Variants in MOSMO observed in about 807,000 individuals in gnomAD.
MOSMO encodes modulator of smoothened protein.
MOSMO carries 5 observed loss-of-function variants against 18.4 expected under a neutral mutation model. The observed-to-expected ratio is 0.27, with a 90% CI of 0.14 to 0.57. The LOEUF is 0.57. Ranked by LOEUF, MOSMO falls within the 20% of genes least tolerant of loss-of-function variation. MOSMO has a pLI of 0.92. For missense variants in MOSMO, 138 were observed against 211.8 expected, an observed-to-expected ratio of 0.65 and a Z score of 2.16; for synonymous variants, 82 against 82.3, an observed-to-expected ratio of 1.00 and a Z score of 0.02.
At chr16:22,074,112 G>A (rs1339095751) in intron 1 of MOSMO, among the ~76,000 whole-genome samples, 2 of 152,092 alleles carry the variant, frequency 1.3e-5, no homozygotes, top group African/African-American at 2.4e-5. Flanking sequence ...CTAGCCACAC[G>A]TGCACGTGCA....
At chr16:22,036,279 A>C (rs1022344388) in intron 1 of MOSMO, among the ~76,000 whole-genome samples, 1 of 151,942 alleles carries the variant, frequency 6.6e-6, no homozygotes, top group Non-Finnish European at 1.5e-5. Flanking sequence ...GGTGCACACC[A>C]CCATGCCTGG....
At chr16:22,008,829 T>C (rs778452757) in intron 1 of MOSMO, among the ~76,000 whole-genome samples, 3 of 149,922 alleles carry the variant, frequency 2.0e-5, no homozygotes, top group Admixed American at 6.6e-5. Context: ...GCGGAGAGGC[T>C]AGGGCTGAGA....
intron 1 of MOSMO, among the ~76,000 whole-genome samples, chr16:22,061,575 T>C (rs1900645726): frequency 1.3e-5 from 2 of 152,242 alleles, no homozygotes; most frequent in African/African-American, 4.8e-5. Flanking sequence ...CATGTCTTCA[T>C]GTGTCCTTCA....
At position 22,008,273 on chromosome 16, in the gene MOSMO, TCGGGGGGTGGGGGGAG is replaced by T; in HGVS notation, c.-23_-8del. The T allele has an allele frequency of 1.5e-6, 2 of 1,298,394 alleles. No individual in the cohort carries two copies. Among genetic ancestry groups the T allele is most frequent in the Non-Finnish European group, 2.0e-6 (2 of 1,012,118 alleles). 80.4% of individuals were successfully genotyped at this position (1,298,394 alleles called of 1,614,324 possible). A position where few individuals can be genotyped will look rare whatever the true frequency, so the allele number is the denominator to read the frequency against. ...CGTGAGGCCGCTGCCTGTCCGGGGC[TCGGGGGGTGGGGGGAG>T]CGGGGCGGGGAGATGGATAAACTGA... On this transcript the variant is annotated 5_prime_UTR_variant, in exon 1 of 3. Coordinates refer to ENST00000542527, the MANE Select transcript of MOSMO (RefSeq NM_001164579.2).
intron 2 of MOSMO, among the ~76,000 whole-genome samples, chr16:22,077,104 T>C (rs1157045301): frequency 6.6e-6 from 1 of 152,208 alleles, no homozygotes; most frequent in African/African-American, 2.4e-5. Context: ...CTAATCCAGA[T>C]AGAAATCACT....
At chr16:22,057,241 C>T (rs1900554667) in intron 1 of MOSMO, among the ~76,000 whole-genome samples, 1 of 152,124 alleles carries the variant, frequency 6.6e-6, no homozygotes, top group African/African-American at 2.4e-5. Context: ...CTGGGAAGTC[C>T]AAGATCAAAG....
chr16:22,040,459 A>G (rs1450173866), intron 1 of MOSMO, among the ~76,000 whole-genome samples: 1 of 152,222 alleles, frequency 6.6e-6, no homozygotes, highest in African/African-American at 2.4e-5. Flanking sequence ...ATTAGAGGGC[A>G]TAATAAGAAG....
chr16:22,036,673 C>T, intron 1 of MOSMO, among the ~76,000 whole-genome samples: 1 of 152,144 alleles, frequency 6.6e-6, no homozygotes, highest in Admixed American at 6.5e-5. Flanking sequence ...TCTCCAGCTA[C>T]TGGCATCAAG....
At chr16:22,029,771 A>G (rs1043779585) in intron 1 of MOSMO, among the ~76,000 whole-genome samples, 2 of 152,114 alleles carry the variant, frequency 1.3e-5, no homozygotes, top group African/African-American at 4.8e-5. Flanking sequence ...GACTACAGGC[A>G]TGGACACTAC....
downstream of MOSMO, among the ~76,000 whole-genome samples, chr16:22,089,252 G>A (rs993562693): frequency 3.2e-4 from 48 of 152,088 alleles, no homozygotes; most frequent in African/African-American, 1.1e-3. Flanking sequence ...ATTTTTTGTA[G>A]AGATGGGGTC....
downstream of MOSMO, among the ~76,000 whole-genome samples, chr16:22,089,455 C>T (rs955993608): frequency 6.6e-6 from 1 of 152,110 alleles, no homozygotes; most frequent in Non-Finnish European, 1.5e-5. Context: ...GATTCCAGCA[C>T]CCAGGGAAAT....
intron 1 of MOSMO, among the ~76,000 whole-genome samples, chr16:22,061,184 A>G (rs906040561): frequency 6.6e-6 from 1 of 152,168 alleles, no homozygotes; most frequent in African/African-American, 2.4e-5. Context: ...TTTTATGGTG[A>G]TGCACACATT....
downstream of MOSMO, among the ~76,000 whole-genome samples, chr16:22,086,436 C>T (rs1426654854): frequency 1.3e-5 from 2 of 152,168 alleles, no homozygotes; most frequent in Non-Finnish European, 2.9e-5. Flanking sequence ...TGTACCACCT[C>T]CTCTCAGTTT....
intron 1 of MOSMO, among the ~76,000 whole-genome samples, chr16:22,020,221 A>G (rs1899728855): frequency 6.6e-6 from 1 of 151,508 alleles, no homozygotes; most frequent in Non-Finnish European, 1.5e-5. Flanking sequence ...TCTCCAAAAA[A>G]AAAAAAAGTA....
intron 1 of MOSMO, among the ~76,000 whole-genome samples, chr16:22,053,530 C>T (rs945916251): frequency 5.3e-5 from 8 of 151,932 alleles, no homozygotes; most frequent in African/African-American, 9.7e-5. Context: ...CAGCCAGGCA[C>T]GGGGGCTCAT....
chr16:22,086,633 GA>G (rs1901185669), downstream of MOSMO, among the ~76,000 whole-genome samples: 3 of 152,286 alleles, frequency 2.0e-5, no homozygotes, highest in East Asian at 5.8e-4. Context: ...TTCATCTGTA[GA>G]ATGGGACTAA....
intron 1 of MOSMO, among the ~76,000 whole-genome samples, chr16:22,047,546 T>C (rs1488884751): frequency 6.6e-6 from 1 of 152,164 alleles, no homozygotes; most frequent in Non-Finnish European, 1.5e-5. Context: ...GCCTGGCCTA[T>C]GCACCATAAT....
chr16:22,063,968 C>T (rs1900701333), intron 1 of MOSMO, among the ~76,000 whole-genome samples: 1 of 152,142 alleles, frequency 6.6e-6, no homozygotes, highest in African/African-American at 2.4e-5. Context: ...TAATTCAAAA[C>T]CTGGGTTTTA....
chr16:22,080,242 C>T (rs577871408), intron 2 of MOSMO, among the ~76,000 whole-genome samples: 1 of 152,300 alleles, frequency 6.6e-6, no homozygotes, highest in East Asian at 1.9e-4. Context: ...CTTACTGTTA[C>T]CTGGCACTGT....
Sources: allele counts gnomAD v4.1 joint callset (sites outside exome capture counted in the v4.1 genomes callset), GRCh38; gene constraint gnomAD v4.1.1; transcripts MANE v1.5; gene names NCBI Gene and HGNC (gene_info 2026-07-23, HGNC 2026-07-21).